The following FAM168A variants were observed in gnomAD, a reference collection of about 807,000 sequenced individuals.
FAM168A encodes family with sequence similarity 168 member A.
FAM168A carries 3 observed loss-of-function variants against 28.5 expected under a neutral mutation model. The ratio of observed to expected loss-of-function variants is 0.11; its 90% CI spans 0.05 to 0.27. FAM168A has a LOEUF of 0.27. Among genes scored for constraint, FAM168A ranks in the 10% least tolerant of loss-of-function variants. FAM168A has a pLI of 1.00. For missense variants in FAM168A, 222 were observed against 311.5 expected (o/e 0.71, Z 2.16); for synonymous variants, 122 against 124.2 (o/e 0.98, Z 0.12).
intron 6 of FAM168A, among the ~76,000 whole-genome samples, chr11:73,408,791 A>C (rs1409511221): frequency 3.3e-5 from 5 of 152,038 alleles, no homozygotes; most frequent in South Asian, 4.2e-4. Flanking sequence ...AAAAAAAAAA[A>C]AAAAAAACCT....
At chr11:73,496,909 A>ACACACACG (rs1565271125) in intron 1 of FAM168A, among the ~76,000 whole-genome samples, 3 of 147,308 alleles carry the variant, frequency 2.0e-5, no homozygotes, top group African/African-American at 7.5e-5. Flanking sequence ...ACACACACGC[A>ACACACACG]CACACACGCA....
chr11:73,593,115 A>T (rs1408910153), intron 1 of FAM168A, among the ~76,000 whole-genome samples: 1 of 152,186 alleles, frequency 6.6e-6, no homozygotes, highest in African/African-American at 2.4e-5. Flanking sequence ...ATATGCACAT[A>T]TTTGGTAAAA....
intron 1 of FAM168A, among the ~76,000 whole-genome samples, chr11:73,593,802 T>C (rs1944410235): frequency 6.6e-6 from 1 of 152,242 alleles, no homozygotes; most frequent in African/African-American, 2.4e-5. Flanking sequence ...TTAATTCTAT[T>C]ATTCGCACTT....
chr11:73,511,104 G>A (rs1271876715), intron 1 of FAM168A, among the ~76,000 whole-genome samples: 2 of 151,838 alleles, frequency 1.3e-5, no homozygotes, highest in Admixed American at 6.6e-5. Flanking sequence ...CACAGACAAC[G>A]GACAAAGCCA....
chr11:73,584,510 G>C (rs1157504312), intron 1 of FAM168A, among the ~76,000 whole-genome samples: 2 of 126,944 alleles, frequency 1.6e-5, no homozygotes, highest in African/African-American at 6.2e-5. Flanking sequence ...GTCTTGCTCC[G>C]TCACCCAGGC....
intron 1 of FAM168A, among the ~76,000 whole-genome samples, chr11:73,576,690 A>G (rs1944180646): frequency 6.6e-6 from 1 of 152,118 alleles, no homozygotes; most frequent in Non-Finnish European, 1.5e-5. Context: ...AGAACTCACC[A>G]GTTTTCTCCA....
chr11:73,519,367 A>G (rs1943347332), intron 1 of FAM168A, among the ~76,000 whole-genome samples: 1 of 152,236 alleles, frequency 6.6e-6, no homozygotes, highest in Non-Finnish European at 1.5e-5. Flanking sequence ...GTCAGGCCCC[A>G]GACATTGTGT....
chr11:73,521,298 T>C (rs910092796), intron 1 of FAM168A, among the ~76,000 whole-genome samples: 2 of 151,984 alleles, frequency 1.3e-5, no homozygotes, highest in Non-Finnish European at 2.9e-5. Context: ...TATACTACTA[T>C]TGTGTGTACT....
chr11:73,553,584 A>G (rs1042788150), intron 1 of FAM168A, among the ~76,000 whole-genome samples: 20 of 152,178 alleles, frequency 1.3e-4, no homozygotes, highest in Admixed American at 3.3e-4. Flanking sequence ...GAGCATGACT[A>G]CTCACAGTCT....
At chr11:73,452,349 C>G (rs140393215) in intron 2 of FAM168A, 1 of 152,440 alleles carries the variant, frequency 6.6e-6, no homozygotes, top group Non-Finnish European at 1.5e-5. Flanking sequence ...AGTTACAATA[C>G]GCAATGATGT....
intron 1 of FAM168A, among the ~76,000 whole-genome samples, chr11:73,484,517 G>GAT (rs1166846626): frequency 2.0e-4 from 28 of 137,264 alleles, no homozygotes; most frequent in East Asian, 1.2e-3. Flanking sequence ...GATATATATA[G>GAT]ATATATATAT....
intron 3 of FAM168A, among the ~76,000 whole-genome samples, chr11:73,425,557 C>T (rs1866872428): frequency 6.6e-6 from 1 of 152,222 alleles, no homozygotes; most frequent in Non-Finnish European, 1.5e-5. Context: ...GTTGTAGGGT[C>T]AGACAAGTTG....
At chr11:73,585,871 C>CAAA (rs11358691) in intron 1 of FAM168A, among the ~76,000 whole-genome samples, 543 of 81,416 alleles carry the variant, frequency 6.7e-3, no homozygotes, top group Non-Finnish European at 9.6e-3. Context: ...CCATCTCAAA[C>CAAA]AAAAAAAAAA....
Position 73,418,957 on chromosome 11 carries a change from C to T in FAM168A, c.277+917G>A, listed in dbSNP as rs562486767. Among the ~76,000 whole-genome samples the T allele has an allele frequency of 8.4e-3, 1,275 of 152,148 alleles. 13 individuals are homozygous for T. Among genetic ancestry groups the T allele is most frequent in the African/African-American group, 0.029 (1,208 of 41,492 alleles). ...CTGAGTAGCTGGGACTACAGGCGCC[C>T]ACCACCATGCCCGGCTAATTTTTTT... is the stretch of plus-strand genomic sequence containing the variant. On this transcript the variant is annotated intron_variant, in intron 4 of 7. Transcript: ENST00000356467.
chr11:73,473,447 T>C (rs1190109136), intron 1 of FAM168A, among the ~76,000 whole-genome samples: 1 of 152,182 alleles, frequency 6.6e-6, no homozygotes, highest in Non-Finnish European at 1.5e-5. Context: ...AGTTCATATC[T>C]ACCACAGTAC....
intron 1 of FAM168A, among the ~76,000 whole-genome samples, chr11:73,576,107 A>T (rs1192178959): frequency 3.3e-5 from 5 of 152,208 alleles, no homozygotes; most frequent in Non-Finnish European, 5.9e-5. Context: ...TAATTTTTTA[A>T]ATCCCAGATA....
rs201384677 is a variant in FAM168A at position 73,407,558 on chromosome 11, C to A, written c.681G>T (p.Ala227=). 3 of 1,604,388 alleles carry A rather than the reference C, an allele frequency of 1.9e-6. No individual in the cohort carries two copies. The highest frequency in any genetic ancestry group is 1.7e-5 in the Admixed American group (1 of 57,796). ...ACCAGTGTGGGGGCACGTAGCTGTA[C>A]GCAGGGGTTCCTTGGGCCCTATATG... ...MPTYRAQGTP[A]YSYVPPHW Residue 227 remains alanine, a synonymous_variant, in exon 7 of 8, where the codon GCG becomes GCT. Coordinates refer to ENST00000356467, the MANE Select transcript of FAM168A (RefSeq NM_015159.3).
intron 2 of FAM168A, among the ~76,000 whole-genome samples, chr11:73,463,237 CATT>C (rs944946647): frequency 4.6e-5 from 7 of 152,020 alleles, no homozygotes; most frequent in Non-Finnish European, 7.4e-5. Context: ...AAAGTGCTGT[CATT>C]ATAGGTGTGA....
At chr11:73,564,630 C>T (rs1208425034) in intron 1 of FAM168A, among the ~76,000 whole-genome samples, 1 of 151,066 alleles carries the variant, frequency 6.6e-6, no homozygotes, top group Non-Finnish European at 1.5e-5. Context: ...GTAGTCCCAG[C>T]TACTCAGGAG....
Sources: gnomAD v4.1 joint callset for allele counts (sites outside exome capture counted in the v4.1 genomes callset) on GRCh38, gnomAD v4.1.1 for gene constraint, MANE v1.5 for transcripts, NCBI Gene and HGNC (gene_info 2026-07-23, HGNC 2026-07-21) for gene names.